Variants in C7 observed in about 807,000 individuals in gnomAD.
C7 encodes the protein complement C7, also known as complement component C7.
In C7, 83 loss-of-function variants were observed where a neutral mutation model predicts 104.8. The ratio of observed to expected loss-of-function variants is 0.79; its 90% CI spans 0.66 to 0.95. The LOEUF is 0.95. Ranked by LOEUF, C7 falls within the 40% of genes least tolerant of loss-of-function variation. The probability of loss-of-function intolerance (pLI) is 0.00; values close to 1 mark genes in which losing one functional copy is unlikely to be tolerated. For synonymous variants in C7, 415 were observed against 360.6 expected (o/e 1.15, Z -1.71); for missense variants, 1,070 against 1,011.2 (o/e 1.06, Z -0.79).
At chr5:40,929,245 A>G (rs1290614594) in intron 2 of C7, among the ~76,000 whole-genome samples, 3 of 152,150 alleles carry the variant, frequency 2.0e-5, no homozygotes, top group Non-Finnish European at 4.4e-5. Context: ...GTTCATTGCA[A>G]TATGAATGTG....
intron 6 of C7, among the ~76,000 whole-genome samples, chr5:40,941,430 G>C (rs1321026870): frequency 6.6e-6 from 1 of 152,092 alleles, no homozygotes; most frequent in Non-Finnish European, 1.5e-5. Flanking sequence ...AGTGTGAAGA[G>C]TTGTAAGAAA....
At chr5:40,914,776 T>C (rs1409135804) in intron 1 of C7, among the ~76,000 whole-genome samples, 3 of 152,208 alleles carry the variant, frequency 2.0e-5, no homozygotes, top group African/African-American at 7.2e-5. Flanking sequence ...TACAAGATTG[T>C]GCATCGGAGA....
chr5:40,962,191 T>C lies in C7; in HGVS notation c.1749+19T>C. The C allele has an allele frequency of 2.1e-6, 3 of 1,426,384 alleles. No individual in the cohort carries two copies. The highest frequency in any genetic ancestry group is 2.0e-5 in the Admixed American group (1 of 50,648). 88.4% of individuals were successfully genotyped at this position (1,426,384 alleles called of 1,614,324 possible). On this transcript the variant is annotated intron_variant, in intron 13 of 17. Transcript: ENST00000313164. ...TGTTCAAGTTGGTTATGAAAGATATTTTTTTCCTTTATAATGCTCTAACTT... is the reference window on the plus strand; with the variant it reads ...TGTTCAAGTTGGTTATGAAAGATATCTTTTTCCTTTATAATGCTCTAACTT...
chr5:40,963,380 A>G (rs1167694939), intron 13 of C7, among the ~76,000 whole-genome samples: 1 of 152,154 alleles, frequency 6.6e-6, no homozygotes, highest in Non-Finnish European at 1.5e-5. Context: ...ACTTCCTCAT[A>G]TGAAAGTTTT....
At position 40,948,529 on chromosome 5, in the gene C7, T is replaced by C. The variant is rs186963915; in HGVS notation, c.982+684T>C. Among the ~76,000 whole-genome samples the C allele has an allele frequency of 2.7e-3, 404 of 152,276 alleles. 9 individuals are homozygous for C. Among genetic ancestry groups the C allele is most frequent in the Admixed American group, 0.024 (368 of 15,274 alleles). ...CAAAGTCAGTTTAGCTTATTCCTTA[T>C]GCTATGTCACTGCTAAAATTGCCTG... On this transcript the variant is annotated intron_variant, in intron 8 of 17. Transcript: ENST00000313164.
At position 40,972,467 on chromosome 5, in the gene C7, C is replaced by T; in HGVS notation, c.1947C>T (p.Tyr649=). 1 of 1,613,872 alleles carries T rather than the reference C, an allele frequency of 6.2e-7. No homozygotes were observed. The highest frequency in any genetic ancestry group is 8.5e-7 in the Non-Finnish European group (1 of 1,179,782). The change falls in exon 15 of 18, where the codon TAC becomes TAT. Residue 649 remains tyrosine (Y), a synonymous_variant. Transcript: ENST00000313164. ...AGAGTCACCCCCAAAAACCTTTCTA[C>T]ACAGTTGGTGAGAAGGTGACTGTTT... ...GIQSHPQKPF[Y]TVGEKVTVSC...
At chr5:40,948,517 G>T (rs563882098) in intron 8 of C7, among the ~76,000 whole-genome samples, 93 of 152,238 alleles carry the variant, frequency 6.1e-4, no homozygotes, top group African/African-American at 2.1e-3. Context: ...AGTCAGTTTA[G>T]CTTATTCCTT....
At chr5:40,951,541 C>A (rs1740170589) in intron 9 of C7, among the ~76,000 whole-genome samples, 1 of 152,136 alleles carries the variant, frequency 6.6e-6, no homozygotes, top group Non-Finnish European at 1.5e-5. Context: ...GTGTTGGGAT[C>A]AATCACACTC....
intron 8 of C7, 131 bp from the exon 9 acceptor site, chr5:40,949,773 T>G: frequency 1.6e-6 from 1 of 643,016 alleles, no homozygotes; most frequent in East Asian, 2.8e-5. Context: ...CACTTGAAAA[T>G]GTTCATATCA....
chr5:40,929,879 A>T (rs145952534), intron 2 of C7, among the ~76,000 whole-genome samples: 18 of 152,276 alleles, frequency 1.2e-4, no homozygotes, highest in African/African-American at 4.3e-4. Context: ...AGCCTCTGCC[A>T]ATTTTTAGTT....
chr5:40,934,133 C>A lies in C7; in HGVS notation c.139-192C>A, dbSNP rs551025804. Among the ~76,000 whole-genome samples, 11 of 151,912 alleles carry A rather than the reference C, an allele frequency of 7.2e-5. No homozygotes were observed. In the South Asian group the frequency reaches 2.3e-3, roughly 32 times the overall value. On this transcript the variant is annotated intron_variant, in intron 3 of 17. Coordinates refer to ENST00000313164, the MANE Select transcript of C7 (RefSeq NM_000587.4). The stretch of plus-strand genomic sequence containing the variant: ...ATAATAGCCAACATGTTGCTTAACT[C>A]AAGGACAAATAGGTCTGTGAATTCA...
rs1279862166 is a variant in C7 at position 40,981,763 on chromosome 5, C to T, written c.*190C>T. On this transcript the variant is annotated 3_prime_UTR_variant, in exon 18 of 18. Transcript: ENST00000313164. ...AATCTGAATCGAATTACTCTTTTGC[C>T]TCCTTTTTAATGTCAGTAAGGATAT... 3.9e-6 allele frequency: 2 copies of T among 513,860 alleles called. No homozygotes were observed. Among genetic ancestry groups the T allele is most frequent in the Middle Eastern group, 5.0e-4 (1 of 1,988 alleles). 31.8% of individuals were successfully genotyped at this position (513,860 alleles called of 1,614,324 possible).
At chr5:40,917,266 A>C (rs946667067) in intron 1 of C7, among the ~76,000 whole-genome samples, 1 of 152,266 alleles carries the variant, frequency 6.6e-6, no homozygotes, top group East Asian at 1.9e-4. Flanking sequence ...TCTCTTCAAC[A>C]ATCCCCACCC....
chr5:40,932,974 A>G (rs927041628), intron 3 of C7, among the ~76,000 whole-genome samples: 1 of 152,198 alleles, frequency 6.6e-6, no homozygotes, highest in Non-Finnish European at 1.5e-5. Flanking sequence ...TATGGAGAAG[A>G]AAAACACTTT....
chr5:40,969,064 T>C (rs1740633198), intron 14 of C7, among the ~76,000 whole-genome samples: 1 of 152,126 alleles, frequency 6.6e-6, no homozygotes, highest in South Asian at 2.1e-4. Context: ...CCCGCCCAGT[T>C]TCCCTATTAG....
At chr5:40,922,460 G>T (rs1437821843) in intron 1 of C7, among the ~76,000 whole-genome samples, 1 of 151,032 alleles carries the variant, frequency 6.6e-6, no homozygotes, top group Non-Finnish European at 1.5e-5. Flanking sequence ...CCAGCACTTT[G>T]GGAGGCTGAG....
Position 40,958,184 on chromosome 5 carries a change from C to A in C7, c.1412C>A (p.Thr471Asn), listed in dbSNP as rs1282828452. The A allele has an allele frequency of 3.7e-6, 6 of 1,613,714 alleles. No homozygotes were observed. ...QNGGLATVEG[T>N]HCLCHCKPYT... ...GGTGGTTTGGCTACTGTTGAGGGGA[C>A]CCATTGTCTGTGCCATTGCAAACCG... Residue 471 changes from threonine (T) to asparagine (N), a missense_variant, in exon 11 of 18, where the codon ACC (threonine) becomes AAC (asparagine). By Grantham distance (65) the Thr-to-Asn change is moderately conservative. Transcript: ENST00000313164.
intron 14 of C7, among the ~76,000 whole-genome samples, chr5:40,966,133 G>GT (rs1452177736): frequency 3.3e-5 from 5 of 151,232 alleles, no homozygotes; most frequent in Non-Finnish European, 7.4e-5. Context: ...ATTTCCATAG[G>GT]TTTTTGGGGA....
chr5:40,932,269 A>AT (rs1739702223), intron 3 of C7, among the ~76,000 whole-genome samples: 1 of 151,926 alleles, frequency 6.6e-6, no homozygotes, highest in East Asian at 1.9e-4. Flanking sequence ...TAGCCTTCTT[A>AT]TTTTTCCACT....
Sources: gnomAD v4.1 joint callset for allele counts (sites outside exome capture counted in the v4.1 genomes callset) on GRCh38, gnomAD v4.1.1 for gene constraint, MANE v1.5 for transcripts, NCBI Gene and HGNC (gene_info 2026-07-23, HGNC 2026-07-21) for gene names.